PRKCB: variants seen among roughly 807,000 people sequenced by gnomAD.
PRKCB encodes protein kinase C beta type.
PRKCB carries 13 observed loss-of-function variants against 81.5 expected under a neutral mutation model. The ratio of observed to expected loss-of-function variants is 0.16; its 90% CI spans 0.10 to 0.25. The LOEUF is 0.25. Among genes scored for constraint, PRKCB ranks in the 10% least tolerant of loss-of-function variants. The pLI is 1.00. For synonymous variants in PRKCB, 335 were observed against 321.4 expected, an observed-to-expected ratio of 1.04 and a Z score of -0.45; for missense variants, 509 against 875.7, an observed-to-expected ratio of 0.58 and a Z score of 5.29.
chr16:24,128,830 A>T (rs750118474), intron 9 of PRKCB, among the ~76,000 whole-genome samples: 9 of 152,236 alleles, frequency 5.9e-5, no homozygotes, highest in Non-Finnish European at 1.3e-4. Flanking sequence ...AATGGTGCTT[A>T]GAATTTTATC....
At chr16:23,965,902 C>G (rs2141796278) in intron 2 of PRKCB, among the ~76,000 whole-genome samples, 1 of 152,344 alleles carries the variant, frequency 6.6e-6, no homozygotes, top group Middle Eastern at 3.4e-3. Flanking sequence ...CCACAAAGCT[C>G]TGCCCCAGTG....
intron 2 of PRKCB, among the ~76,000 whole-genome samples, chr16:23,983,978 T>C (rs751783667): frequency 6.6e-6 from 1 of 152,272 alleles, no homozygotes; most frequent in African/African-American, 2.4e-5. Context: ...GAAACTACTT[T>C]CCTAAATATT....
intron 2 of PRKCB, among the ~76,000 whole-genome samples, chr16:23,925,859 C>T (rs529996729): frequency 4.0e-4 from 61 of 152,016 alleles, no homozygotes; most frequent in African/African-American, 1.4e-3. Flanking sequence ...ATTCCATACT[C>T]TGTGTCTATG....
intron 3 of PRKCB, among the ~76,000 whole-genome samples, chr16:24,031,027 G>A (rs1965544484): frequency 6.6e-6 from 1 of 152,154 alleles, no homozygotes; most frequent in Non-Finnish European, 1.5e-5. Context: ...TTGTGCCACT[G>A]CACTCCAGCC....
chr16:23,875,606 T>TATATCACACATATATGTATGC lies in PRKCB; in HGVS notation c.205+38210_205+38211insTATATGTATGCATATCACACA, dbSNP rs1555480962. ...TATGTATATCACACACATATGTATG[T>TATATCACACATATATGTATGC]ATATCACACACATATATGTATGTAT... is the stretch of plus-strand genomic sequence containing the variant. On this transcript the variant is annotated intron_variant, in intron 2 of 16. Transcript: ENST00000643927. 1.1e-3 allele frequency among the ~76,000 whole-genome samples: 157 copies of TATATCACACATATATGTATGC among 143,628 alleles called. 6 individuals carry two copies. Among genetic ancestry groups the TATATCACACATATATGTATGC allele is most frequent in the African/African-American group, 3.9e-3 (146 of 37,102 alleles). The allele number at this position is 143,628 out of a possible 152,430, so 94.2% of individuals were successfully genotyped here.
chr16:24,168,873 A>AT (rs970240271), intron 10 of PRKCB, among the ~76,000 whole-genome samples: 5 of 149,310 alleles, frequency 3.3e-5, no homozygotes, highest in East Asian at 2.0e-4. Flanking sequence ...TTTTTCTATT[A>AT]TTTTTTTTTA....
chr16:23,864,361 A>G (rs575615084), intron 2 of PRKCB, among the ~76,000 whole-genome samples: 17 of 152,256 alleles, frequency 1.1e-4, no homozygotes, highest in African/African-American at 3.8e-4. Context: ...GGAAGCTGAG[A>G]CGGGAGGATC....
At chr16:23,939,388 A>G (rs769009561) in intron 2 of PRKCB, among the ~76,000 whole-genome samples, 15 of 152,252 alleles carry the variant, frequency 9.9e-5, no homozygotes, top group Non-Finnish European at 1.8e-4. Context: ...AGATTATTCT[A>G]TAATTTATAT....
At chr16:24,032,862 C>T (rs1427070544) in intron 4 of PRKCB, among the ~76,000 whole-genome samples, 1 of 152,228 alleles carries the variant, frequency 6.6e-6, no homozygotes, top group Admixed American at 6.5e-5. Flanking sequence ...CACCCAGAGG[C>T]ATGAACAAAT....
chr16:24,051,779 G>A (rs923827564), intron 5 of PRKCB, among the ~76,000 whole-genome samples: 35 of 152,254 alleles, frequency 2.3e-4, no homozygotes, highest in Non-Finnish European at 4.7e-4. Flanking sequence ...CTACTCAGGA[G>A]ACTGAGGAAG....
chr16:23,881,401 C>T (rs1963105059), intron 2 of PRKCB, among the ~76,000 whole-genome samples: 1 of 151,960 alleles, frequency 6.6e-6, no homozygotes, highest in African/African-American at 2.4e-5. Context: ...TACAGGCACT[C>T]ACCACCACAC....
chr16:24,070,886 T>C (rs1966099267), intron 5 of PRKCB, among the ~76,000 whole-genome samples: 1 of 152,154 alleles, frequency 6.6e-6, no homozygotes. Flanking sequence ...CTCTCTAAAG[T>C]ATACTGTGTC....
chr16:24,099,183 A>G (rs1020639847), intron 7 of PRKCB: 5 of 152,292 alleles, frequency 3.3e-5, no homozygotes, highest in Non-Finnish European at 7.3e-5. Context: ...TGGAGTCACA[A>G]TTTTACACAG....
At chr16:24,120,678 G>A (rs1966789810) in intron 8 of PRKCB, among the ~76,000 whole-genome samples, 1 of 152,156 alleles carries the variant, frequency 6.6e-6, no homozygotes, top group South Asian at 2.1e-4. Context: ...TCTGGGGTCA[G>A]TCTGTCTCCC....
intron 3 of PRKCB, among the ~76,000 whole-genome samples, chr16:24,011,831 T>C (rs1337762765): frequency 2.0e-5 from 3 of 152,218 alleles, no homozygotes; most frequent in Non-Finnish European, 4.4e-5. Flanking sequence ...TGTTCCTGTT[T>C]CTTCATTTAC....
At chr16:24,180,703 C>CA (rs1967606211) in intron 12 of PRKCB, 87 bp from the exon 13 acceptor site, 1 of 1,464,432 alleles carries the variant, frequency 6.8e-7, no homozygotes, top group African/African-American at 1.4e-5. Flanking sequence ...ACACCTAACA[C>CA]AGTGTTTTAT....
chr16:24,028,285 C>T (rs975920339), intron 3 of PRKCB, among the ~76,000 whole-genome samples: 1 of 152,172 alleles, frequency 6.6e-6, no homozygotes, highest in Non-Finnish European at 1.5e-5. Context: ...GACAGGGTTT[C>T]ACCATATCGG....
rs368297492 is a variant in PRKCB at position 24,073,477 on chromosome 16, G to A, written c.530-19314G>A. Among the ~76,000 whole-genome samples the A allele has an allele frequency of 2.6e-4, 39 of 152,238 alleles. 1 individual carries two copies. The highest frequency in any genetic ancestry group is 1.0e-3 in the Admixed American group (16 of 15,288). On this transcript the variant is annotated intron_variant, in intron 5 of 16. Coordinates refer to ENST00000643927, the MANE Select transcript of PRKCB (RefSeq NM_002738.7). Reference sequence around the variant, plus strand: ...CCCTTGAGTTACTGGGACTACAGGCGCATGCCACCATGTCTGGCTAATCGT... The same window carrying A: ...CCCTTGAGTTACTGGGACTACAGGCACATGCCACCATGTCTGGCTAATCGT...
chr16:23,962,275 G>A (rs1964436562), intron 2 of PRKCB, among the ~76,000 whole-genome samples: 1 of 151,980 alleles, frequency 6.6e-6, no homozygotes. Context: ...CTCCCACCTG[G>A]TTTCGCTCCC....
Sources: gnomAD v4.1 joint callset for allele counts (sites outside exome capture counted in the v4.1 genomes callset) on GRCh38, gnomAD v4.1.1 for gene constraint, MANE v1.5 for transcripts, NCBI Gene and HGNC (gene_info 2026-07-23, HGNC 2026-07-21) for gene names.